Variants in ERMP1 observed in about 807,000 individuals in gnomAD.
ERMP1 encodes the protein Felix-ina.
In ERMP1, 86 loss-of-function variants were observed where a neutral mutation model predicts 92.0. That is an observed-to-expected ratio of 0.93 (90% CI 0.79 to 1.12). The LOEUF (loss-of-function observed/expected upper bound fraction) is 1.12, where lower values mean the gene tolerates loss of function less well. ERMP1 is among the 50% of genes most tolerant of loss of function. The pLI is 0.00. For missense variants in ERMP1, 1,342 were observed against 1,116.3 expected (o/e 1.20, Z -2.88); for synonymous variants, 530 against 412.8 (o/e 1.28, Z -3.44).
At position 5,856,294 on chromosome 9, in the gene ERMP1, C is replaced by T. The variant is rs868541994; in HGVS notation, n.3199+3174G>A. 6 of 254,962 alleles carry T rather than the reference C, an allele frequency of 2.4e-5. No individual in the cohort carries two copies. In the Middle Eastern group the frequency reaches 3.2e-3, roughly 136 times the overall value. 15.8% of individuals were successfully genotyped at this position (254,962 alleles called of 1,614,324 possible). A position where few individuals can be genotyped will look rare whatever the true frequency, so the allele number is the denominator to read the frequency against. On this transcript the variant is annotated intron_variant and non_coding_transcript_variant, in intron 6 of 6. Coordinates refer to the ERMP1 transcript ENST00000690753. ...AGACTGTTCTCTGTTTATTGTTTTG[C>T]CATGTCAGTAACTTCGGTGTTGGCC... is the stretch of plus-strand genomic sequence containing the variant.
chr9:5,798,875 C>T lies in ERMP1; in HGVS notation c.2201G>A (p.Arg734Gln), dbSNP rs777428417. The T allele has an allele frequency of 1.1e-5, 17 of 1,613,682 alleles. No homozygotes were observed. The highest frequency in any genetic ancestry group is 1.4e-5 in the Non-Finnish European group (16 of 1,179,696). ...AGGTGCATTCTCCTCACAGTGAGCT[C>T]GGATACTATCATTGATCTCAGGAAT... is the stretch of plus-strand genomic sequence containing the variant. ...PHIPEINDSI[R>Q]AHCEENAPLC... Residue 734 changes from arginine to glutamine, a missense_variant, in exon 12 of 15, where the codon CGA becomes CAA. Arg to Gln is a conservative substitution (Grantham distance 43, BLOSUM62 1). Transcript: ENST00000339450.
At chr9:5,816,083 A>G (rs1357215074) in intron 4 of ERMP1, among the ~76,000 whole-genome samples, 1 of 152,150 alleles carries the variant, frequency 6.6e-6, no homozygotes, top group Non-Finnish European at 1.5e-5. Flanking sequence ...TTGAGAAGAG[A>G]GGTTAAAAAA....
intron 6 of ERMP1, among the ~76,000 whole-genome samples, chr9:5,848,315 C>T (rs937388559): frequency 7.9e-5 from 12 of 151,996 alleles, no homozygotes; most frequent in Non-Finnish European, 1.8e-4. Context: ...TGGAGGAGGT[C>T]GGAGTGGCCA....
At chr9:5,822,136 C>A (rs943371759) in intron 4 of ERMP1, among the ~76,000 whole-genome samples, 17 of 152,076 alleles carry the variant, frequency 1.1e-4, no homozygotes, top group African/African-American at 3.9e-4. Flanking sequence ...CCTGTAGTCC[C>A]AGCTACTTGG....
chr9:5,843,347 C>A (rs1171113115), intron 6 of ERMP1, among the ~76,000 whole-genome samples: 2 of 152,130 alleles, frequency 1.3e-5, no homozygotes, highest in Non-Finnish European at 2.9e-5. Context: ...ATGTTGGAAA[C>A]AAATTTAAAA....
chr9:5,826,847 A>G (rs1586819711), intron 2 of ERMP1, among the ~76,000 whole-genome samples: 1 of 152,338 alleles, frequency 6.6e-6, no homozygotes, highest in East Asian at 1.9e-4. Flanking sequence ...AAAGGTATCT[A>G]TACAGGGTTG....
chr9:5,820,740 G>A (rs1311174113), intron 4 of ERMP1, among the ~76,000 whole-genome samples: 1 of 152,182 alleles, frequency 6.6e-6, no homozygotes, highest in Non-Finnish European at 1.5e-5. Context: ...AAGGAGTATG[G>A]TTTAAAAAGC....
chr9:5,798,556 T>C (rs1242286310), intron 12 of ERMP1, among the ~76,000 whole-genome samples: 1 of 151,990 alleles, frequency 6.6e-6, no homozygotes, highest in Non-Finnish European at 1.5e-5. Context: ...TTATATTAGT[T>C]AGAAGGGCCA....
chr9:5,848,008 G>A (rs1040584140), intron 6 of ERMP1, among the ~76,000 whole-genome samples: 2 of 151,932 alleles, frequency 1.3e-5, no homozygotes, highest in African/African-American at 4.8e-5. Flanking sequence ...GAAAACTGAG[G>A]CTTAGAGAAA....
At chr9:5,800,571 G>A (rs1285824225) in intron 11 of ERMP1, among the ~76,000 whole-genome samples, 1 of 152,146 alleles carries the variant, frequency 6.6e-6, no homozygotes, top group Non-Finnish European at 1.5e-5. Flanking sequence ...AGCTACTTGG[G>A]AGTCTGAGGC....
intron 6 of ERMP1, among the ~76,000 whole-genome samples, chr9:5,851,515 G>T (rs6477004): frequency 2.6e-5 from 4 of 152,322 alleles, no homozygotes; most frequent in South Asian, 2.1e-4. Flanking sequence ...AGAAGTGGGA[G>T]GAGGCGAGGG....
chr9:5,811,921 C>T (rs970063537), intron 6 of ERMP1, among the ~76,000 whole-genome samples: 1 of 152,150 alleles, frequency 6.6e-6, no homozygotes, highest in Admixed American at 6.6e-5. Flanking sequence ...TTCATTTCCT[C>T]ACAATGAATA....
intron 10 of ERMP1, among the ~76,000 whole-genome samples, chr9:5,804,543 T>C (rs575887732): frequency 6.6e-6 from 1 of 152,308 alleles, no homozygotes; most frequent in Admixed American, 6.5e-5. Context: ...ATTAACAAGC[T>C]TTCATGTGGT....
chr9:5,804,923 T>G, intron 10 of ERMP1, 104 bp downstream of exon 10: 4 of 852,984 alleles, frequency 4.7e-6, no homozygotes, highest in African/African-American at 1.8e-5. Context: ...TGCTTCAGAT[T>G]TTCTCAATAA....
At chr9:5,843,870 G>C (rs1184388495) in intron 6 of ERMP1, among the ~76,000 whole-genome samples, 1 of 152,160 alleles carries the variant, frequency 6.6e-6, no homozygotes, top group Non-Finnish European at 1.5e-5. Context: ...GACCAAGCCT[G>C]GGGATATGCA....
chr9:5,825,295 A>C (rs1233237986), intron 2 of ERMP1, 76 bp from the exon 3 acceptor site: 23 of 1,412,506 alleles, frequency 1.6e-5, no homozygotes, highest in Non-Finnish European at 2.2e-5. Flanking sequence ...CTAGGAATGG[A>C]GCTTTCTCCT....
At chr9:5,836,619 GT>G (rs1830098357), upstream of ERMP1, among the ~76,000 whole-genome samples, 1 of 152,178 alleles carries the variant, frequency 6.6e-6, no homozygotes, top group South Asian at 2.1e-4. Flanking sequence ...TACACCATCA[GT>G]TTTTTTAGGT....
chr9:5,803,785 T>A (rs1828763966), intron 10 of ERMP1, among the ~76,000 whole-genome samples: 1 of 152,182 alleles, frequency 6.6e-6, no homozygotes, highest in Non-Finnish European at 1.5e-5. Flanking sequence ...TTAGAACTTT[T>A]CATACAGCCC....
intron 2 of ERMP1, 127 bp downstream of exon 2, chr9:5,830,595 CTGCTT>C: frequency 1.6e-6 from 1 of 636,776 alleles, no homozygotes; most frequent in South Asian, 2.1e-5. Flanking sequence ...CCTAATTATC[CTGCTT>C]TCCATCACAA....
Sources: gnomAD v4.1 joint callset for allele counts (sites outside exome capture counted in the v4.1 genomes callset) on GRCh38, gnomAD v4.1.1 for gene constraint, MANE v1.5 for transcripts, NCBI Gene and HGNC (gene_info 2026-07-23, HGNC 2026-07-21) for gene names.